Variants in XIRP2 observed in about 807,000 individuals in gnomAD.
XIRP2 encodes the protein xin actin binding repeat containing 2, also known as xin actin-binding repeat-containing protein 2.
In XIRP2, 236 loss-of-function variants were observed where a neutral mutation model predicts 277.0. The ratio of observed to expected loss-of-function variants is 0.85; its 90% CI spans 0.77 to 0.95. XIRP2 has a LOEUF of 0.95. Ranked by LOEUF, XIRP2 falls within the 40% of genes least tolerant of loss-of-function variation. The pLI, the probability that XIRP2 is intolerant of heterozygous loss-of-function variation, is 0.00. For synonymous variants in XIRP2, 1,490 were observed against 1,416.5 expected, an observed-to-expected ratio of 1.05 and a Z score of -1.17; for missense variants, 4,640 against 4,157.5, an observed-to-expected ratio of 1.12 and a Z score of -3.19.
rs140658489 is a variant in XIRP2, at chr2:167,188,785, G to A, written c.563-21950G>A. Among the ~76,000 whole-genome samples, 1,273 of 152,298 alleles carry A rather than the reference G, an allele frequency of 8.4e-3. 15 individuals are homozygous for A. Among genetic ancestry groups the A allele is most frequent in the African/African-American group, 0.029 (1,218 of 41,560 alleles). ...CACTATGGCAAAGTGCCAACTGTTT[G>A]GGAAAAATGCAGTCTGGAGTTTGGA... On this transcript the variant is annotated intron_variant, in intron 3 of 10. Coordinates refer to ENST00000409195, the MANE Select transcript of XIRP2 (RefSeq NM_152381.6).
At chr2:167,147,321 T>A (rs936226882) in intron 3 of XIRP2, among the ~76,000 whole-genome samples, 1 of 152,144 alleles carries the variant, frequency 6.6e-6, no homozygotes, top group Non-Finnish European at 1.5e-5. Flanking sequence ...AAGAAAAGAC[T>A]GGTCTTTGAA....
chr2:167,216,816 A>G (rs1311426487), intron 4 of XIRP2, among the ~76,000 whole-genome samples: 4 of 115,078 alleles, frequency 3.5e-5, no homozygotes, highest in Non-Finnish European at 1.6e-5. Flanking sequence ...TCATGCTGCT[A>G]TAAAGACACA....
chr2:167,182,476 G>C (rs1208043003), intron 3 of XIRP2, among the ~76,000 whole-genome samples: 1 of 152,158 alleles, frequency 6.6e-6, no homozygotes, highest in Admixed American at 6.6e-5. Flanking sequence ...CCTACACTAA[G>C]AATTTATTAT....
At chr2:166,957,548 A>G (rs1431628211) in intron 2 of XIRP2, among the ~76,000 whole-genome samples, 1 of 151,852 alleles carries the variant, frequency 6.6e-6, no homozygotes, top group African/African-American at 2.4e-5. Flanking sequence ...GCTACATCAA[A>G]TAAACATTTT....
chr2:166,944,245 T>A (rs1411428291), intron 2 of XIRP2, among the ~76,000 whole-genome samples: 1 of 152,234 alleles, frequency 6.6e-6, no homozygotes, highest in Non-Finnish European at 1.5e-5. Flanking sequence ...TTTAGAAAAC[T>A]GTCATTAGTC....
chr2:167,205,903 C>T (rs187700123), intron 3 of XIRP2, among the ~76,000 whole-genome samples: 3 of 151,960 alleles, frequency 2.0e-5, no homozygotes, highest in Non-Finnish European at 4.4e-5. Context: ...CCTTCATTTT[C>T]CTTTGGGCTG....
chr2:167,054,764 T>C (rs1689000773), intron 2 of XIRP2, among the ~76,000 whole-genome samples: 1 of 152,096 alleles, frequency 6.6e-6, no homozygotes, highest in African/African-American at 2.4e-5. Context: ...GAGTTAACCT[T>C]AATTGGGAAG....
intron 4 of XIRP2, among the ~76,000 whole-genome samples, chr2:167,216,114 C>T (rs1300849407): frequency 7.9e-6 from 1 of 126,646 alleles, no homozygotes; most frequent in Non-Finnish European, 1.6e-5. Context: ...TTCCTTACAC[C>T]TTATACAAAA....
At chr2:166,915,299 C>CAAAAAAAAA (rs993808427) in intron 2 of XIRP2, among the ~76,000 whole-genome samples, 2 of 40,120 alleles carry the variant, frequency 5.0e-5, no homozygotes, top group East Asian at 9.0e-4. Flanking sequence ...GACTCCGTCT[C>CAAAAAAAAA]AAAAAAAAAA....
At position 167,218,192 on chromosome 2, in the gene XIRP2, A is replaced by G. The variant is rs1020134155; in HGVS notation, c.750A>G (p.Ala250=). The G allele has an allele frequency of 1.9e-6, 3 of 1,601,246 alleles. No homozygotes were observed. In the South Asian group the frequency reaches 3.4e-5, roughly 18 times the overall value. ...ANMMEESEMC[A]VPGGLAKVKK... ...TGATGGAAGAATCAGAAATGTGCGC[A>G]GTGCCTGGTGGTTTGGCCAAGGTGA... The change falls in exon 5 of 11, where the codon GCA becomes GCG. Residue 250 remains alanine, a synonymous_variant. Transcript: ENST00000409195.
At chr2:167,200,611 C>T (rs1343694710) in intron 3 of XIRP2, among the ~76,000 whole-genome samples, 1 of 152,200 alleles carries the variant, frequency 6.6e-6, no homozygotes, top group Non-Finnish European at 1.5e-5. Context: ...CATATACATT[C>T]ATAAAACCTG....
intron 2 of XIRP2, among the ~76,000 whole-genome samples, chr2:167,042,688 G>A (rs1014150192): frequency 2.6e-5 from 4 of 152,064 alleles, no homozygotes; most frequent in East Asian, 3.9e-4. Context: ...ACCCAACACC[G>A]GAGCACCCAG....
chr2:167,147,844 G>A (rs73017939), intron 3 of XIRP2, among the ~76,000 whole-genome samples: 41,475 of 151,940 alleles, frequency 0.27, 7,167 homozygotes, highest in African/African-American at 0.5. Flanking sequence ...GGCTGGACAC[G>A]GGGATTTAAA....
At chr2:167,200,323 C>T (rs1467276524) in intron 3 of XIRP2, among the ~76,000 whole-genome samples, 1 of 152,128 alleles carries the variant, frequency 6.6e-6, no homozygotes. Context: ...TTCACTGTGC[C>T]GAGCCTATTT....
At chr2:167,067,716 G>T (rs1689335414) in intron 2 of XIRP2, among the ~76,000 whole-genome samples, 3 of 152,164 alleles carry the variant, frequency 2.0e-5, no homozygotes, top group Admixed American at 2.0e-4. Flanking sequence ...TCGATGCAGG[G>T]TTGCCTCAAA....
intron 2 of XIRP2, among the ~76,000 whole-genome samples, chr2:167,123,327 T>C (rs1691107895): frequency 6.6e-6 from 1 of 152,162 alleles, no homozygotes; most frequent in African/African-American, 2.4e-5. Flanking sequence ...TGTCTGGCTG[T>C]AGACACACAA....
intron 2 of XIRP2, among the ~76,000 whole-genome samples, chr2:167,029,003 A>G (rs546016154): frequency 2.0e-4 from 31 of 151,988 alleles, no homozygotes; most frequent in Admixed American, 1.8e-3. Flanking sequence ...GGCTCTTTGA[A>G]ACTACACAGT....
intron 2 of XIRP2, among the ~76,000 whole-genome samples, chr2:167,103,960 T>C (rs529526658): frequency 2.0e-5 from 3 of 152,186 alleles, no homozygotes; most frequent in Admixed American, 2.0e-4. Context: ...CTGTTGGAAA[T>C]AGGAGTCAGT....
intron 5 of XIRP2, among the ~76,000 whole-genome samples, chr2:167,223,293 G>A (rs1694486712): frequency 6.6e-6 from 1 of 152,128 alleles, no homozygotes; most frequent in Admixed American, 6.6e-5. Flanking sequence ...ATCCAGTGCT[G>A]AGGTATTTGC....
Sources: allele counts gnomAD v4.1 joint callset (sites outside exome capture counted in the v4.1 genomes callset), GRCh38; gene constraint gnomAD v4.1.1; transcripts MANE v1.5; gene names NCBI Gene and HGNC (gene_info 2026-07-23, HGNC 2026-07-21).